Variants in EDA observed in about 807,000 individuals in gnomAD.
The protein encoded by EDA is ectodysplasin A.
A neutral mutation model predicts 23.6 loss-of-function variants in EDA; 2 were observed. That is an observed-to-expected ratio of 0.08 (90% CI 0.03 to 0.27). EDA has a LOEUF of 0.27. Ranked by LOEUF, EDA falls within the 10% of genes least tolerant of loss-of-function variation. The pLI is 1.00. For synonymous variants in EDA, 131 were observed against 132.0 expected (o/e 0.99, Z 0.05); for missense variants, 229 against 324.2 (o/e 0.71, Z 2.26).
At chrX:69,624,609 G>T (rs1452128558) in intron 1 of EDA, among the ~76,000 whole-genome samples, 1 of 111,405 alleles carries the variant, frequency 9.0e-6, no homozygotes, top group Non-Finnish European at 1.9e-5. Flanking sequence ...ATGAGACTGA[G>T]ATAATTTAAA....
chrX:69,939,427 AT>A (rs200002777), intron 1 of EDA, among the ~76,000 whole-genome samples: 3 of 108,674 alleles, frequency 2.8e-5, no homozygotes, highest in Non-Finnish European at 3.8e-5. Flanking sequence ...TGCTGTGTTG[AT>A]TTTTTTTTAT....
At chrX:69,730,620 A>G (rs1433148681) in intron 1 of EDA, among the ~76,000 whole-genome samples, 2 of 112,081 alleles carry the variant, frequency 1.8e-5, no homozygotes, top group East Asian at 2.8e-4. Context: ...TACTTTCACA[A>G]TGAAACTTGT....
intron 1 of EDA, among the ~76,000 whole-genome samples, chrX:69,797,462 G>GA (rs886089462): frequency 4.5e-5 from 5 of 111,251 alleles, no homozygotes; most frequent in Non-Finnish European, 7.5e-5. Flanking sequence ...AGTTCTGAAA[G>GA]AAAAAAGCTG....
At chrX:69,909,297 T>G (rs922024160) in intron 1 of EDA, among the ~76,000 whole-genome samples, 1 of 111,851 alleles carries the variant, frequency 8.9e-6, no homozygotes. Context: ...GGTTGGTTTG[T>G]TTTGTTTTGT....
At chrX:69,643,211 T>TA (rs752347837) in intron 1 of EDA, among the ~76,000 whole-genome samples, 153 of 106,137 alleles carry the variant, frequency 1.4e-3, no homozygotes, top group African/African-American at 4.2e-3. Context: ...ACATATATGG[T>TA]AAAAAAAAAA....
chrX:69,921,047 G>A (rs186101230), intron 1 of EDA, among the ~76,000 whole-genome samples: 26 of 110,813 alleles, frequency 2.3e-4, no homozygotes, highest in Non-Finnish European at 3.8e-5. Flanking sequence ...GCTTTATTCT[G>A]TTGTTCAAAT....
intron 1 of EDA, among the ~76,000 whole-genome samples, chrX:69,844,286 CAT>C (rs1392076377): frequency 8.9e-6 from 1 of 112,187 alleles, no homozygotes; most frequent in African/African-American, 3.2e-5. Context: ...TCTGAAAAAA[CAT>C]ATTGATTGGT....
chrX:69,944,430 G>A (rs940427872), intron 1 of EDA, among the ~76,000 whole-genome samples: 31 of 111,924 alleles, frequency 2.8e-4, no homozygotes, highest in African/African-American at 9.4e-4. Context: ...CAAGGCGGCA[G>A]GTTCCCTTCT....
At chrX:69,875,324 T>C (rs1199706019) in intron 1 of EDA, among the ~76,000 whole-genome samples, 3 of 111,076 alleles carry the variant, frequency 2.7e-5, no homozygotes, top group African/African-American at 9.8e-5. Flanking sequence ...AGAAATAAAG[T>C]CAAACACTTA....
chrX:69,707,524 T>C (rs1388227668), intron 1 of EDA, among the ~76,000 whole-genome samples: 1 of 111,699 alleles, frequency 9.0e-6, no homozygotes, highest in African/African-American at 3.3e-5. Flanking sequence ...TTGGGACCCC[T>C]TGTTTTTGGT....
intron 1 of EDA, among the ~76,000 whole-genome samples, chrX:69,869,048 T>C (rs2017527505): frequency 8.9e-6 from 1 of 111,947 alleles, no homozygotes; most frequent in South Asian, 3.8e-4. Flanking sequence ...CCGCCACTGA[T>C]GCAATATTGT....
At chrX:69,646,848 A>G (rs933753498) in intron 1 of EDA, among the ~76,000 whole-genome samples, 2 of 111,558 alleles carry the variant, frequency 1.8e-5, no homozygotes, top group Non-Finnish European at 1.9e-5. Flanking sequence ...TTTCCTTTCC[A>G]TATTTAGTGC....
intron 1 of EDA, among the ~76,000 whole-genome samples, chrX:69,906,035 T>G (rs1250029171): frequency 9.0e-6 from 1 of 111,548 alleles, no homozygotes; most frequent in Non-Finnish European, 1.9e-5. Context: ...TGAAACCAGG[T>G]CATCTATGTC....
intron 2 of EDA, among the ~76,000 whole-genome samples, chrX:70,002,832 G>A (rs2019757238): frequency 8.9e-6 from 1 of 111,995 alleles, no homozygotes; most frequent in South Asian, 3.7e-4. Flanking sequence ...ACATAATCAA[G>A]TTCTTTGGTT....
At chrX:69,812,799 A>G (rs1473601366) in intron 1 of EDA, among the ~76,000 whole-genome samples, 4 of 112,164 alleles carry the variant, frequency 3.6e-5, no homozygotes, top group Non-Finnish European at 7.5e-5. Context: ...TAGATACCCA[A>G]CTTCATTTCA....
At chrX:69,837,519 G>T (rs1354927589) in intron 1 of EDA, among the ~76,000 whole-genome samples, 8 of 112,208 alleles carry the variant, frequency 7.1e-5, no homozygotes, top group African/African-American at 2.3e-4. Context: ...TTCTATAATT[G>T]TTGCATATGA....
At chrX:69,763,628 C>T (rs993980271) in intron 1 of EDA, among the ~76,000 whole-genome samples, 2 of 111,941 alleles carry the variant, frequency 1.8e-5, no homozygotes, top group African/African-American at 6.5e-5. Context: ...ACTGAATAAA[C>T]AATCAGTGGC....
chrX:69,835,847 G>T (rs2016758728), intron 1 of EDA, among the ~76,000 whole-genome samples: 1 of 111,850 alleles, frequency 8.9e-6, no homozygotes, highest in Admixed American at 9.5e-5. Context: ...CATCTTTTTG[G>T]TTTTATCTAC....
intron 1 of EDA, among the ~76,000 whole-genome samples, chrX:69,800,350 G>C (rs1025495270): frequency 2.7e-5 from 3 of 111,317 alleles, no homozygotes; most frequent in Admixed American, 1.9e-4. Context: ...AGTAAACAAC[G>C]TGTTATATTT....
Sources: gnomAD v4.1 joint callset for allele counts (sites outside exome capture counted in the v4.1 genomes callset) on GRCh38, gnomAD v4.1.1 for gene constraint, MANE v1.5 for transcripts, NCBI Gene and HGNC (gene_info 2026-07-23, HGNC 2026-07-21) for gene names.